RASA2: variants seen among roughly 807,000 people sequenced by gnomAD.
RASA2 encodes the protein ras GTPase-activating protein 2.
Under a neutral mutation model 118.2 loss-of-function variants are expected in RASA2, and 155 were observed. The observed-to-expected ratio is 1.31, with a 90% confidence interval of 1.15 to 1.50. RASA2 has a LOEUF of 1.50. Among genes scored for constraint, RASA2 ranks in the 40% most tolerant of loss-of-function variants. The probability of loss-of-function intolerance (pLI) is 0.00; values close to 1 mark genes in which losing one functional copy is unlikely to be tolerated. For missense variants in RASA2, 1,016 were observed against 1,009.6 expected (o/e 1.01, Z -0.09); for synonymous variants, 353 against 349.1 (o/e 1.01, Z -0.12).
chr3:141,575,968 G>C (rs975957743), intron 14 of RASA2, among the ~76,000 whole-genome samples: 3 of 152,038 alleles, frequency 2.0e-5, no homozygotes, highest in South Asian at 4.1e-4. Flanking sequence ...GTATAGATGG[G>C]GTTTCTCCAT....
At chr3:141,576,003 C>G (rs1314018672) in intron 14 of RASA2, among the ~76,000 whole-genome samples, 3 of 152,278 alleles carry the variant, frequency 2.0e-5, no homozygotes, top group Admixed American at 2.0e-4. Context: ...TCTCAAACTC[C>G]TGACCTCAGA....
At chr3:141,541,913 T>A (rs2082410797) in intron 5 of RASA2, among the ~76,000 whole-genome samples, 1 of 152,032 alleles carries the variant, frequency 6.6e-6, no homozygotes, top group Non-Finnish European at 1.5e-5. Flanking sequence ...GTAGACCAAC[T>A]GAGAGCATAT....
intron 21 of RASA2, among the ~76,000 whole-genome samples, chr3:141,609,004 A>G (rs1484058587): frequency 6.6e-6 from 1 of 152,190 alleles, no homozygotes; most frequent in Non-Finnish European, 1.5e-5. Context: ...AGTGAAGAAA[A>G]TGTTCCAAAA....
Position 141,581,191 on chromosome 3 carries a change from A to G in RASA2, c.1752+14A>G. The G allele has an allele frequency of 6.9e-7, 1 of 1,450,682 alleles. No homozygotes were observed. The highest frequency in any genetic ancestry group is 9.1e-7 in the Non-Finnish European group (1 of 1,095,706). 89.9% of individuals were successfully genotyped at this position (1,450,682 alleles called of 1,614,324 possible). A position where few individuals can be genotyped will look rare whatever the true frequency, so the allele number is the denominator to read the frequency against. Reference sequence around the variant, plus strand: ...GCAGTTAAAAAGGTATGATGGTTTTATTCTGGAATTGTTAATATTTATTTC... The same window carrying G: ...GCAGTTAAAAAGGTATGATGGTTTTGTTCTGGAATTGTTAATATTTATTTC... On this transcript the variant is annotated intron_variant, in intron 17 of 23. Transcript: ENST00000286364.
chr3:141,509,820 A>T (rs957258947), intron 1 of RASA2, among the ~76,000 whole-genome samples: 1 of 152,322 alleles, frequency 6.6e-6, no homozygotes, highest in African/African-American at 2.4e-5. Flanking sequence ...ACCGGTTCAG[A>T]TATAGATTAT....
intron 3 of RASA2, among the ~76,000 whole-genome samples, chr3:141,518,420 T>C (rs754475450): frequency 1.0e-4 from 13 of 129,822 alleles, no homozygotes; most frequent in Non-Finnish European, 1.9e-4. Context: ...GAGGCAGAGG[T>C]TGCAGTGAGC....
intron 14 of RASA2, among the ~76,000 whole-genome samples, chr3:141,575,461 A>G (rs1454645288): frequency 6.6e-6 from 1 of 152,264 alleles, no homozygotes; most frequent in Middle Eastern, 3.2e-3. Flanking sequence ...TTAAATCATG[A>G]TAACCACATT....
chr3:141,541,452 C>T (rs1277144634), intron 5 of RASA2, among the ~76,000 whole-genome samples: 1 of 151,866 alleles, frequency 6.6e-6, no homozygotes, highest in Non-Finnish European at 1.5e-5. Context: ...TTTTTTCTGA[C>T]CTCTTTGAAA....
At chr3:141,547,475 C>G (rs1031039069) in intron 5 of RASA2, among the ~76,000 whole-genome samples, 2 of 152,036 alleles carry the variant, frequency 1.3e-5, no homozygotes, top group East Asian at 1.9e-4. Context: ...AGCAGTATTA[C>G]TTTCTTGATT....
intron 17 of RASA2, 35 bp from the exon 18 acceptor site, chr3:141,585,990 C>CGATA: frequency 6.5e-7 from 1 of 1,527,626 alleles, no homozygotes; most frequent in East Asian, 2.3e-5. Flanking sequence ...TGTACCTTAT[C>CGATA]ACACAGTGTA....
At chr3:141,541,331 G>A (rs1046881159) in intron 5 of RASA2, among the ~76,000 whole-genome samples, 12 of 152,014 alleles carry the variant, frequency 7.9e-5, no homozygotes, top group African/African-American at 2.9e-4. Flanking sequence ...TCCTATTGCT[G>A]CTCCAGACTG....
chr3:141,586,877 A>T, intron 19 of RASA2, 125 bp downstream of exon 19: 1 of 769,770 alleles, frequency 1.3e-6, no homozygotes, highest in Non-Finnish European at 2.3e-6. Flanking sequence ...TCTCACACTG[A>T]TACATACGTA....
At position 141,612,357 on chromosome 3, in the gene RASA2, CT is replaced by C. The variant is rs752275120; in HGVS notation, c.*46del. The C allele has an allele frequency of 4.2e-4, 625 of 1,481,230 alleles. No individual in the cohort carries two copies. The highest frequency in any genetic ancestry group is 5.5e-4 in the Non-Finnish European group (593 of 1,081,858). The allele number at this position is 1,481,230 out of a possible 1,614,324, so 91.8% of individuals were successfully genotyped here. ...AGAAGAACTGGAAAATATTATTTTT[CT>C]TGGAGCTTTTCAATTCATCATGTAT... On this transcript the variant is annotated 3_prime_UTR_variant, in exon 24 of 24. Transcript: ENST00000286364.
intron 4 of RASA2, among the ~76,000 whole-genome samples, chr3:141,530,678 G>A: frequency 6.6e-6 from 1 of 152,012 alleles, no homozygotes; most frequent in East Asian, 1.9e-4. Flanking sequence ...AATCTCTCAA[G>A]CATTCTCTTT....
intron 5 of RASA2, among the ~76,000 whole-genome samples, chr3:141,545,622 A>G (rs1005955623): frequency 1.3e-5 from 2 of 151,232 alleles, no homozygotes; most frequent in South Asian, 4.2e-4. Flanking sequence ...TAATTTTTGT[A>G]TTTTTAGTAG....
chr3:141,579,165 A>G (rs1302151605), intron 15 of RASA2, among the ~76,000 whole-genome samples: 1 of 152,168 alleles, frequency 6.6e-6, no homozygotes, highest in East Asian at 1.9e-4. Context: ...CAAAAATCAA[A>G]CTAAAGCTTT....
intron 1 of RASA2, among the ~76,000 whole-genome samples, chr3:141,500,771 G>A (rs1312724772): frequency 6.6e-6 from 1 of 152,156 alleles, no homozygotes; most frequent in Non-Finnish European, 1.5e-5. Flanking sequence ...AGGTTAAACT[G>A]GCAATAAGTG....
chr3:141,501,563 A>G (rs922444780), intron 1 of RASA2, among the ~76,000 whole-genome samples: 2 of 152,212 alleles, frequency 1.3e-5, no homozygotes, highest in African/African-American at 2.4e-5. Flanking sequence ...GTTAAATGCA[A>G]AGTTCATGTT....
At chr3:141,514,859 A>G (rs993460700) in intron 2 of RASA2, among the ~76,000 whole-genome samples, 3 of 152,256 alleles carry the variant, frequency 2.0e-5, no homozygotes, top group Admixed American at 2.0e-4. Context: ...ACACAACAAC[A>G]TCGAAAAAAT....
Sources: allele counts gnomAD v4.1 joint callset (sites outside exome capture counted in the v4.1 genomes callset), GRCh38; gene constraint gnomAD v4.1.1; transcripts MANE v1.5; gene names NCBI Gene and HGNC (gene_info 2026-07-23, HGNC 2026-07-21).